Variants in RBM12 observed in about 807,000 individuals in gnomAD.
RBM12 encodes RNA-binding protein 12.
A neutral mutation model predicts 37.2 loss-of-function variants in RBM12; 24 were observed. The observed-to-expected ratio is 0.65, with a 90% confidence interval of 0.47 to 0.91. The LOEUF (loss-of-function observed/expected upper bound fraction) is 0.91. Among genes scored for constraint, RBM12 ranks in the 40% least tolerant of loss-of-function variants. The pLI is 0.00. For missense variants in RBM12, 1,061 were observed against 1,183.2 expected (o/e 0.90, Z 1.52); for synonymous variants, 420 against 425.2 (o/e 0.99, Z 0.15).
intron 2 of RBM12, among the ~76,000 whole-genome samples, chr20:35,658,145 T>C (rs2034013686): frequency 6.6e-6 from 1 of 152,214 alleles, no homozygotes; most frequent in Admixed American, 6.5e-5. Flanking sequence ...AGCTAAGTCA[T>C]TTCAACCTAA....
chr20:35,663,725 G>C (rs1261443997), intron 1 of RBM12, among the ~76,000 whole-genome samples: 1 of 152,076 alleles, frequency 6.6e-6, no homozygotes, highest in Admixed American at 6.6e-5. Flanking sequence ...TCACTATAAA[G>C]CACACGTTGG....
In RBM12 at chr20:35,653,948, T is replaced by C; in HGVS notation, c.1375A>G (p.Ser459Gly). The C allele has an allele frequency of 6.2e-7, 1 of 1,614,156 alleles. No individual in the cohort carries two copies. Among genetic ancestry groups the C allele is most frequent in the Non-Finnish European group, 8.5e-7 (1 of 1,180,014 alleles). ...FFKKLDIVED[S>G]IYIAYGPNGK... ...TTGGGTCCATAAGCTATATAAATAC[T>C]ATCTTCCACAATATCCAGCTTTTTA... The change falls in exon 3 of 3, where the codon AGT (serine) becomes GGT (glycine). Residue 459 changes from serine to glycine, a missense_variant. Physicochemically the swap from Ser to Gly is moderately conservative, Grantham distance 56. Transcript: ENST00000374114.
rs2033445357 is a variant in RBM12, at chr20:35,650,702, A to G, written c.*1822T>C. On this transcript the variant is annotated 3_prime_UTR_variant, in exon 3 of 3. Coordinates refer to ENST00000374114, the MANE Select transcript of RBM12 (RefSeq NM_006047.6). ...TCCTTCTCTTAAACAAAAATCCTGT[A>G]CTGTCAATCCTCTAAGATTGTAGTG... 6.6e-6 allele frequency: 1 copy of G among 152,602 alleles called. No individual in the cohort carries two copies. The highest frequency in any genetic ancestry group is 1.5e-5 in the Non-Finnish European group (1 of 68,020). 9.5% of individuals were successfully genotyped at this position (152,602 alleles called of 1,614,324 possible).
chr20:35,658,798 C>CAA (rs746928595), intron 2 of RBM12, 132 bp downstream of exon 2: 27 of 507,540 alleles, frequency 5.3e-5, no homozygotes, highest in Admixed American at 8.3e-5. Context: ...AACAAGCAAA[C>CAA]AAAAACACAC....
At chr20:35,663,328 C>G (rs1453472476) in intron 1 of RBM12, among the ~76,000 whole-genome samples, 2 of 152,216 alleles carry the variant, frequency 1.3e-5, no homozygotes, top group Non-Finnish European at 2.9e-5. Flanking sequence ...CTCTGAGATG[C>G]ATTAACAATA....
chr20:35,653,611 T>C lies in RBM12; in HGVS notation c.1712A>G (p.Glu571Gly). ...ATCAACAAGAACATGTACAGCATTTTCATCCACTGGGATTCCTTCTAGGAA... is the reference window on the plus strand; with the variant it reads ...ATCAACAAGAACATGTACAGCATTTCCATCCACTGGGATTCCTTCTAGGAA... ...LQFLEGIPVD[E>G]NAVHVLVDNN... Residue 571 changes from glutamate to glycine, a missense_variant, in exon 3 of 3, where the codon GAA becomes GGA. Transcript: ENST00000374114. The C allele has an allele frequency of 6.2e-7, 1 of 1,614,232 alleles. No homozygotes were observed. The highest frequency in any genetic ancestry group is 8.5e-7 in the Non-Finnish European group (1 of 1,180,050).
Position 35,653,233 on chromosome 20 carries a change from AT to A in RBM12, c.2089del (p.Ile697TyrfsTer12), listed in dbSNP as rs763287249. 6.2e-7 allele frequency: 1 copy of A among 1,613,566 alleles called. No homozygotes were observed. The highest frequency in any genetic ancestry group is 1.3e-5 in the African/African-American group (1 of 75,056). ...LPGAGMPSAG[I>X]PSAGGEEHAF... is the part of the protein sequence containing the mutation. Reference sequence around the variant, plus strand: ...ATGCTCTTCACCTCCTGCACTAGGTATTCCTGCACTGGGCATTCCCGCACCA... The same window carrying A: ...ATGCTCTTCACCTCCTGCACTAGGTATCCTGCACTGGGCATTCCCGCACCA... On this transcript the variant is annotated frameshift_variant, in exon 3 of 3. Transcript: ENST00000374114. LOFTEE classifies it high-confidence loss of function.
Position 35,653,669 on chromosome 20 carries a change from G to A in RBM12, c.1654C>T (p.Pro552Ser). 1 of 1,614,156 alleles carries A rather than the reference G, an allele frequency of 6.2e-7. No individual in the cohort carries two copies. Among genetic ancestry groups the A allele is most frequent in the Non-Finnish European group, 8.5e-7 (1 of 1,180,040 alleles). Reference protein sequence around the residue: ...AKVCAHITNIPFSITKMDVLQ... With the variant: ...AKVCAHITNISFSITKMDVLQ... Reference sequence around the variant, plus strand: ...ACATCCATCTTTGTAATGCTGAATGGAATATTTGTTATGTGGGCACAGACT... The same window carrying A: ...ACATCCATCTTTGTAATGCTGAATGAAATATTTGTTATGTGGGCACAGACT... The change falls in exon 3 of 3, where the codon CCA becomes TCA. Residue 552 changes from proline (P) to serine (S), a missense_variant. Pro to Ser is a moderately conservative substitution (Grantham distance 74, BLOSUM62 -1). Around this residue, in one of 3 missense-constraint regions of RBM12, gnomAD observed 517 missense variants for 534.0 expected, o/e 0.97. Transcript: ENST00000374114.
rs2033549444 is a variant in RBM12, at chr20:35,651,905, C to A, written c.*619G>T. ...TTTTATATTTAGGGAAAAAAACCAA[C>A]AAAACAGTTCTGCTCATTTACAAAT... On this transcript the variant is annotated 3_prime_UTR_variant, in exon 3 of 3. Transcript: ENST00000374114. The A allele has an allele frequency of 6.6e-6, 1 of 152,484 alleles. No homozygotes were observed. Among genetic ancestry groups the A allele is most frequent in the East Asian group, 1.9e-4 (1 of 5,196 alleles). 9.4% of individuals were successfully genotyped at this position (152,484 alleles called of 1,614,324 possible). A position where few individuals can be genotyped will look rare whatever the true frequency, so the allele number is the denominator to read the frequency against.
At chr20:35,658,773 C>T (rs1384446050) in intron 2 of RBM12, among the ~76,000 whole-genome samples, 157 bp downstream of exon 2, 6 of 147,684 alleles carry the variant, frequency 4.1e-5, no homozygotes, top group African/African-American at 7.5e-5. Flanking sequence ...AGCAAGACTC[C>T]GTCTCAAAAC....
chr20:35,653,214 T>C lies in RBM12; in HGVS notation c.2109A>G (p.Glu703=). The change falls in exon 3 of 3, where the codon GAA becomes GAG. Residue 703 remains glutamate (E), a synonymous_variant. Transcript: ENST00000374114. ...ATCCTACAGTCAGGAAGGCATGCTCTTCACCTCCTGCACTAGGTATTCCTG... is the reference window on the plus strand; with the variant it reads ...ATCCTACAGTCAGGAAGGCATGCTCCTCACCTCCTGCACTAGGTATTCCTG... ...PSAGIPSAGG[E]EHAFLTVGSK... The C allele has an allele frequency of 6.2e-7, 1 of 1,613,530 alleles. No homozygotes were observed. Among genetic ancestry groups the C allele is most frequent in the South Asian group, 1.1e-5 (1 of 91,088 alleles).
At position 35,653,167 on chromosome 20, in the gene RBM12, G is replaced by A; in HGVS notation, c.2156C>T (p.Pro719Leu). 3 of 1,613,552 alleles carry A rather than the reference G, an allele frequency of 1.9e-6. No homozygotes were observed. Among genetic ancestry groups the A allele is most frequent in the South Asian group, 2.2e-5 (2 of 91,086 alleles). ...TVGSKEANNG[P>L]PFNFPGNFGG... ...AAAATTACCAGGAAAGTTAAATGGA[G>A]GCCCATTATTGGCTTCCTTTGATCC... The change falls in exon 3 of 3, where the codon CCT (proline) becomes CTT (leucine). Residue 719 changes from proline to leucine, a missense_variant. Physicochemically the swap from Pro to Leu is moderately conservative, Grantham distance 98. This residue lies in a region of RBM12 where 517 missense variants were observed against 534.0 expected (regional missense o/e 0.97). Coordinates refer to ENST00000374114, the MANE Select transcript of RBM12 (RefSeq NM_006047.6).
Position 35,651,494 on chromosome 20 carries a change from T to G in RBM12, c.*1030A>C, listed in dbSNP as rs888423645. On this transcript the variant is annotated 3_prime_UTR_variant, in exon 3 of 3. Transcript: ENST00000374114. ...ATACGGATCTTTTATTCTATACTAC[T>G]ACTGCTAACAAAGATAATTTCAACT... The G allele has an allele frequency of 1.3e-5, 2 of 152,250 alleles. No individual in the cohort carries two copies. The highest frequency in any genetic ancestry group is 2.9e-5 in the Non-Finnish European group (2 of 68,042). The allele number at this position is 152,250 out of a possible 1,614,324, so 9.4% of individuals were successfully genotyped here.
Position 35,654,920 on chromosome 20 carries a change from T to G in RBM12, c.403A>C (p.Thr135Pro). The G allele has an allele frequency of 6.2e-7, 1 of 1,614,158 alleles. No homozygotes were observed. Among genetic ancestry groups the G allele is most frequent in the Non-Finnish European group, 8.5e-7 (1 of 1,180,022 alleles). The part of the protein sequence containing the change: ...NFNNPSPSVV[T>P]ATTSVHESNK... ...CTTTCATGAACAGAAGTGGTGGCAG[T>G]AACTACACTGGGTGATGGATTATTA... The change falls in exon 3 of 3, where the codon ACT (threonine) becomes CCT (proline). Residue 135 changes from threonine (T) to proline (P), a missense_variant. Thr to Pro is a conservative substitution (Grantham distance 38, BLOSUM62 -1). Around this residue, in one of 3 missense-constraint regions of RBM12, gnomAD observed 540 missense variants for 632.7 expected, o/e 0.85. Transcript: ENST00000374114.
At position 35,651,374 on chromosome 20, in the gene RBM12, G is replaced by A. The variant is rs1174416535; in HGVS notation, c.*1150C>T. 1 of 152,192 alleles carries A rather than the reference G, an allele frequency of 6.6e-6. No individual in the cohort carries two copies. The highest frequency in any genetic ancestry group is 1.9e-4 in the East Asian group (1 of 5,202). The allele number at this position is 152,192 out of a possible 1,614,324, so 9.4% of individuals were successfully genotyped here. A position where few individuals can be genotyped will look rare whatever the true frequency, so the allele number is the denominator to read the frequency against. Reference sequence around the variant, plus strand: ...CCTCTGGCGGCTGCACTTGTACTCTGTATGAAGACTTTTAGTAAACAGGCT... The same window carrying A: ...CCTCTGGCGGCTGCACTTGTACTCTATATGAAGACTTTTAGTAAACAGGCT... On this transcript the variant is annotated 3_prime_UTR_variant, in exon 3 of 3. Coordinates refer to ENST00000374114, the MANE Select transcript of RBM12 (RefSeq NM_006047.6).
At chr20:35,663,656 G>A (rs1380527160) in intron 1 of RBM12, among the ~76,000 whole-genome samples, 1 of 152,194 alleles carries the variant, frequency 6.6e-6, no homozygotes, top group Non-Finnish European at 1.5e-5. Flanking sequence ...ACACCACGCA[G>A]ATGAGTAAAT....
Position 35,655,299 on chromosome 20 carries a change from T to C in RBM12, c.24A>G (p.Gln8=), listed in dbSNP as rs780397309. Residue 8 remains glutamine (Q), a synonymous_variant, in exon 3 of 3, where the codon CAA becomes CAG. Coordinates refer to ENST00000374114, the MANE Select transcript of RBM12 (RefSeq NM_006047.6). Reference sequence around the variant, plus strand: ...TGGTCCCCGCCACAATTGGGAGACCTTGCAAACGGATGACCACAGCCATGC... The same window carrying C: ...TGGTCCCCGCCACAATTGGGAGACCCTGCAAACGGATGACCACAGCCATGC... MAVVIRL[Q]GLPIVAGTMD... 1.4e-5 allele frequency: 22 copies of C among 1,610,370 alleles called. No homozygotes were observed. The highest frequency in any genetic ancestry group is 5.5e-5 in the South Asian group (5 of 91,042).
Position 35,654,738 on chromosome 20 carries a change from C to T in RBM12, c.585G>A (p.Ala195=), listed in dbSNP as rs74404345. 2.5e-3 allele frequency: 4,013 copies of T among 1,613,642 alleles called. 122 individuals are homozygous for T. In the East Asian group the frequency reaches 0.069, roughly 28 times the overall value. ...ATGGCATTGGTGGCAGAGATGGCAT[C>T]GCTGGAATTGGAGGAATTGGTGGCG... The part of the protein sequence containing the change: ...VPPPPIPPIP[A]MPSLPPMPSI... The change falls in exon 3 of 3, where the codon GCG becomes GCA. Residue 195 remains alanine (A), a synonymous_variant. Coordinates refer to ENST00000374114, the MANE Select transcript of RBM12 (RefSeq NM_006047.6).
chr20:35,654,461 T>G lies in RBM12; in HGVS notation c.862A>C (p.Met288Leu). 1.2e-6 allele frequency: 2 copies of G among 1,614,202 alleles called. No homozygotes were observed. The highest frequency in any genetic ancestry group is 1.1e-5 in the South Asian group (1 of 91,086). The change falls in exon 3 of 3, where the codon ATG (methionine) becomes CTG (leucine). Residue 288 changes from methionine (M) to leucine (L), a missense_variant. Met to Leu is a conservative substitution (Grantham distance 15). Transcript: ENST00000374114. ...GGCTTCACACTGCTCTGAGAGTTCA[T>G]CTGGATAGGGTTAACAGGATTCAAC... ...GPLNPVNPIQ[M>L]NSQSSVKPLP... is the part of the protein sequence containing the mutation.
Sources: allele counts gnomAD v4.1 joint callset (sites outside exome capture counted in the v4.1 genomes callset), GRCh38; gene constraint gnomAD v4.1.1; regional missense constraint gnomAD v4.1.1; transcripts MANE v1.5; gene names NCBI Gene and HGNC (gene_info 2026-07-23, HGNC 2026-07-21).